The following TBC1D2B variants were observed in gnomAD, a reference collection of about 807,000 sequenced individuals.
TBC1D2B encodes the protein TBC1 domain family, member 2B.
A neutral mutation model predicts 100.8 loss-of-function variants in TBC1D2B; 64 were observed. That is an observed-to-expected ratio of 0.64 (90% CI 0.52 to 0.78). The LOEUF (loss-of-function observed/expected upper bound fraction) is 0.78, where lower values mean the gene tolerates loss of function less well. TBC1D2B is among the 30% of genes least tolerant of loss of function. The pLI is 0.00. For missense variants in TBC1D2B, 1,052 were observed against 1,218.4 expected, an observed-to-expected ratio of 0.86 and a Z score of 2.03; for synonymous variants, 480 against 479.7, an observed-to-expected ratio of 1.00 and a Z score of -0.01.
chr15:78,003,681 A>T (rs76327889), intron 10 of TBC1D2B, 191 bp from the exon 11 acceptor site: 15,484 of 542,548 alleles, frequency 0.029, 319 homozygotes, highest in South Asian at 0.048. Flanking sequence ...CGTGCACTGC[A>T]GGTACACACC....
In TBC1D2B at chr15:78,029,158, G is replaced by A. The variant is rs140527128; in HGVS notation, c.847+849C>T. On this transcript the variant is annotated intron_variant, in intron 4 of 12. Transcript: ENST00000300584. ...TGCAAGCTCTACCTCCCAGGTTCAC[G>A]CCATTCTCCTGCCTCAGCCTCCCAA... is the stretch of plus-strand genomic sequence containing the variant. Among the ~76,000 whole-genome samples the A allele has an allele frequency of 3.6e-3, 545 of 151,654 alleles. 5 individuals carry two copies. The highest frequency in any genetic ancestry group is 0.012 in the African/African-American group (507 of 41,358).
chr15:77,999,950 C>T (rs1438164371), intron 12 of TBC1D2B, among the ~76,000 whole-genome samples: 5 of 152,186 alleles, frequency 3.3e-5, no homozygotes, highest in Non-Finnish European at 2.9e-5. Context: ...GTGTAACTCC[C>T]GTCTCCTGAA....
At chr15:78,043,418 G>T (rs1313419036) in intron 3 of TBC1D2B, among the ~76,000 whole-genome samples, 1 of 151,324 alleles carries the variant, frequency 6.6e-6, no homozygotes, top group Non-Finnish European at 1.5e-5. Flanking sequence ...TCTTTTTTTT[G>T]AGACAGGGTT....
Position 78,077,687 on chromosome 15 carries a change from T to TGCGCCTCCGCGCC in TBC1D2B, c.-48_-36dup. ...GCGCCAACCGTAGGCGCCCGCGCCCTGCGCCTCCGCGCCGCGGCCGCTGCG... is the reference window on the plus strand; with the variant it reads ...GCGCCAACCGTAGGCGCCCGCGCCCTGCGCCTCCGCGCCGCGCCTCCGCGCCGCGGCCGCTGCG... On this transcript the variant is annotated 5_prime_UTR_variant, in exon 1 of 13. Transcript: ENST00000300584. 1 of 977,408 alleles carries TGCGCCTCCGCGCC rather than the reference T, an allele frequency of 1.0e-6. No individual in the cohort carries two copies. Among genetic ancestry groups the TGCGCCTCCGCGCC allele is most frequent in the Non-Finnish European group, 1.2e-6 (1 of 828,476 alleles). 60.5% of individuals were successfully genotyped at this position (977,408 alleles called of 1,614,324 possible).
intron 1 of TBC1D2B, among the ~76,000 whole-genome samples, chr15:78,062,667 T>C (rs1033380932): frequency 2.6e-5 from 4 of 152,216 alleles, no homozygotes; most frequent in African/African-American, 9.6e-5. Flanking sequence ...ATATATTTTC[T>C]ACCAATTTTC....
chr15:78,073,599 A>C (rs935827343), intron 1 of TBC1D2B, among the ~76,000 whole-genome samples: 2 of 152,190 alleles, frequency 1.3e-5, no homozygotes, highest in Non-Finnish European at 2.9e-5. Flanking sequence ...ATAAATTGGT[A>C]ATTTCCATAC....
At chr15:78,048,420 C>T (rs2073243577) in intron 2 of TBC1D2B, among the ~76,000 whole-genome samples, 1 of 152,192 alleles carries the variant, frequency 6.6e-6, no homozygotes, top group African/African-American at 2.4e-5. Context: ...AGGGAAAACA[C>T]AAACTAGGAC....
rs2072591444 is a variant in TBC1D2B, at chr15:78,024,189, A to G, written c.1437T>C (p.Val479=). The change falls in exon 6 of 13, where the codon GTT becomes GTC. Residue 479 remains valine, a synonymous_variant. Coordinates refer to ENST00000300584, the MANE Select transcript of TBC1D2B (RefSeq NM_144572.2). ...TGTCCAGTTCCAGCTGGTCCCTGGC[A>G]ACAGGCACAACCGAAGGGGAGCTGG... The part of the protein sequence containing the change: ...VAPSSPSVVP[V]ARDQLELDRL... 2 of 1,613,502 alleles carry G rather than the reference A, an allele frequency of 1.2e-6. No homozygotes were observed.
intron 4 of TBC1D2B, 23 bp from the exon 5 acceptor site, chr15:78,025,520 T>C (rs1363385164): frequency 6.8e-7 from 1 of 1,469,464 alleles, no homozygotes; most frequent in African/African-American, 1.4e-5. Flanking sequence ...AAAACTTGTA[T>C]TTTATTATTA....
At chr15:78,061,477 G>A (rs2073544377) in intron 1 of TBC1D2B, among the ~76,000 whole-genome samples, 1 of 151,710 alleles carries the variant, frequency 6.6e-6, no homozygotes. Flanking sequence ...GAAGGCTGAC[G>A]TGGGAGAATT....
intron 10 of TBC1D2B, among the ~76,000 whole-genome samples, chr15:78,005,938 A>T (rs1011935136): frequency 2.0e-5 from 3 of 152,188 alleles, no homozygotes; most frequent in Non-Finnish European, 2.9e-5. Flanking sequence ...CAATACTACC[A>T]ACTTTTATTG....
chr15:78,017,999 A>G, intron 6 of TBC1D2B, 42 bp from the exon 7 acceptor site: 1 of 1,099,764 alleles, frequency 9.1e-7, no homozygotes, highest in Non-Finnish European at 1.3e-6. Context: ...CATTGGTTGA[A>G]TATTGACTAA....
intron 6 of TBC1D2B, among the ~76,000 whole-genome samples, chr15:78,022,457 A>C (rs953007423): frequency 2.0e-5 from 3 of 152,218 alleles, no homozygotes; most frequent in African/African-American, 4.8e-5. Context: ...ATGTATATTC[A>C]ATGTTGTGTA....
rs150566899 is a variant in TBC1D2B, at chr15:78,020,549, T to C, written c.1471-2592A>G. On this transcript the variant is annotated intron_variant, in intron 6 of 12. Coordinates refer to ENST00000300584, the MANE Select transcript of TBC1D2B (RefSeq NM_144572.2). ...CAATACCTATGAGGAAAATAAGCAC[T>C]ATTTCACAGACAAATACACTGAGGC... 2.0e-3 allele frequency among the ~76,000 whole-genome samples: 305 copies of C among 152,268 alleles called. 2 individuals carry two copies. The highest frequency in any genetic ancestry group is 0.013 in the Admixed American group (196 of 15,294).
Position 78,003,325 on chromosome 15 carries a change from A to T in TBC1D2B, c.2554T>A (p.Phe852Ile). 1 of 1,613,820 alleles carries T rather than the reference A, an allele frequency of 6.2e-7. No homozygotes were observed. Among genetic ancestry groups the T allele is most frequent in the Non-Finnish European group, 8.5e-7 (1 of 1,179,838 alleles). The change falls in exon 11 of 13, where the codon TTC (phenylalanine) becomes ATC (isoleucine). Residue 852 changes from phenylalanine (F) to isoleucine (I), a missense_variant. Transcript: ENST00000300584. ...CTCACCTTTGGTCCTTCATAAAGGAAAGAGTCCCATATTTTAAAGAGGATG... is the reference window on the plus strand; with the variant it reads ...CTCACCTTTGGTCCTTCATAAAGGATAGAGTCCCATATTTTAAAGAGGATG... ...SDILFKIWDSFLYEGPKVIFR... is the reference protein window; with the variant it reads ...SDILFKIWDSILYEGPKVIFR...
At chr15:78,073,854 C>T (rs2073779065) in intron 1 of TBC1D2B, among the ~76,000 whole-genome samples, 1 of 151,628 alleles carries the variant, frequency 6.6e-6, no homozygotes, top group Non-Finnish European at 1.5e-5. Flanking sequence ...CCTATAGTCC[C>T]TCAGCTCGGA....
At chr15:78,043,680 G>A (rs2073135486) in intron 3 of TBC1D2B, among the ~76,000 whole-genome samples, 1 of 152,130 alleles carries the variant, frequency 6.6e-6, no homozygotes, top group Admixed American at 6.5e-5. Context: ...TATGCTAACG[G>A]AAAGAAGCCA....
intron 3 of TBC1D2B, among the ~76,000 whole-genome samples, chr15:78,040,855 GAAGAAAGAAAGAAAGA>G (rs60990991): frequency 1.3e-5 from 1 of 74,668 alleles, no homozygotes; most frequent in Non-Finnish European, 2.7e-5. Flanking sequence ...AGAAAGAAAG[GAAGAAAGAAAGAAAGA>G]AAGAAAGAAA....
intron 6 of TBC1D2B, 28 bp from the exon 7 acceptor site, chr15:78,017,985 T>C: frequency 7.9e-7 from 1 of 1,265,834 alleles, no homozygotes; most frequent in Non-Finnish European, 1.1e-6. Flanking sequence ...AATCCCTGAA[T>C]TCACATTGGT....
Sources: gnomAD v4.1 joint callset for allele counts (sites outside exome capture counted in the v4.1 genomes callset) on GRCh38, gnomAD v4.1.1 for gene constraint, MANE v1.5 for transcripts, NCBI Gene and HGNC (gene_info 2026-07-23, HGNC 2026-07-21) for gene names.